Variants in ZNF808 observed in about 807,000 individuals in gnomAD.
ZNF808 encodes the protein zinc finger protein 808.
A neutral mutation model predicts 8.7 loss-of-function variants in ZNF808; 5 were observed. That is an observed-to-expected ratio of 0.58 (90% CI 0.30 to 1.21). ZNF808 has a LOEUF of 1.21. Among genes scored for constraint, ZNF808 ranks in the 50% most tolerant of loss-of-function variants. The pLI, the probability that ZNF808 is intolerant of heterozygous loss-of-function variation, is 0.07. For synonymous variants in ZNF808, 380 were observed against 366.0 expected, an observed-to-expected ratio of 1.04 and a Z score of -0.44; for missense variants, 1,103 against 1,098.4, an observed-to-expected ratio of 1.00 and a Z score of -0.06.
At position 52,556,301 on chromosome 19, in the gene ZNF808, G is replaced by T; in HGVS notation, c.*673G>T. 1 of 165,110 alleles carries T rather than the reference G, an allele frequency of 6.1e-6. No individual in the cohort carries two copies. The highest frequency in any genetic ancestry group is 1.3e-5 in the Non-Finnish European group (1 of 76,338). The allele number at this position is 165,110 out of a possible 1,614,324, so 10.2% of individuals were successfully genotyped here. The stretch of plus-strand genomic sequence containing the variant: ...AGATGTCGGCCACTTTCGCCATCCT[G>T]TTTTTTGTTTCTTATTTTCTTATTT... On this transcript the variant is annotated 3_prime_UTR_variant, in exon 5 of 5. Transcript: ENST00000359798.
intron 1 of ZNF808, among the ~76,000 whole-genome samples, chr19:52,528,368 T>C (rs1447363319): frequency 6.6e-6 from 1 of 152,070 alleles, no homozygotes; most frequent in East Asian, 1.9e-4. Context: ...CCTGCGATTG[T>C]GTGGGCCGAA....
chr19:52,536,997 A>T (rs538267049), intron 2 of ZNF808, among the ~76,000 whole-genome samples: 2 of 131,676 alleles, frequency 1.5e-5, no homozygotes, highest in Admixed American at 1.6e-4. Context: ...GACCAGCCTG[A>T]CCAACATGGA....
At chr19:52,532,191 T>C (rs1023425799) in intron 1 of ZNF808, among the ~76,000 whole-genome samples, 5 of 152,166 alleles carry the variant, frequency 3.3e-5, no homozygotes, top group African/African-American at 1.2e-4. Flanking sequence ...TGGATTTAGG[T>C]AATTTTATGA....
Position 52,555,567 on chromosome 19 carries a change from T to A in ZNF808, c.2651T>A (p.Phe884Tyr). 1 of 1,613,532 alleles carries A rather than the reference T, an allele frequency of 6.2e-7. No homozygotes were observed. Among genetic ancestry groups the A allele is most frequent in the Non-Finnish European group, 8.5e-7 (1 of 1,179,768 alleles). Residue 884 changes from phenylalanine (F) to tyrosine (Y), a missense_variant, in exon 5 of 5, where the codon TTT becomes TAT. Coordinates refer to ENST00000359798, the MANE Select transcript of ZNF808 (RefSeq NM_001039886.4). ...AAGTGTAATGAGTGTGGCAAAGCCTTTAGTGACCGGTCAACACTTATTCAC... is the reference window on the plus strand; with the variant it reads ...AAGTGTAATGAGTGTGGCAAAGCCTATAGTGACCGGTCAACACTTATTCAC... ...PYKCNECGKAFSDRSTLIHHQ... is the reference protein window; with the variant it reads ...PYKCNECGKAYSDRSTLIHHQ...
chr19:52,529,091 G>A (rs539905513), intron 1 of ZNF808, among the ~76,000 whole-genome samples: 86 of 152,010 alleles, frequency 5.7e-4, no homozygotes, highest in African/African-American at 2.0e-3. Context: ...ATGAAGAAAG[G>A]GGGGCTAGGC....
In ZNF808 at chr19:52,553,962, G is replaced by C. The variant is rs772659533; in HGVS notation, c.1046G>C (p.Gly349Ala). The change falls in exon 5 of 5, where the codon GGC becomes GCC. Residue 349 changes from glycine to alanine, a missense_variant. By Grantham distance (60) the Gly-to-Ala change is moderately conservative (BLOSUM62 0). Transcript: ENST00000359798. ...GEKPYKCNEC[G>A]KAFNQQSHLS... is the part of the protein sequence containing the mutation. ...AAACCTTACAAGTGTAATGAATGTG[G>C]CAAGGCTTTTAATCAACAATCACAC... The C allele has an allele frequency of 1.2e-6, 2 of 1,613,608 alleles. No homozygotes were observed. The highest frequency in any genetic ancestry group is 2.7e-5 in the African/African-American group (2 of 74,764).
At chr19:52,545,363 A>G (rs1453339098) in intron 3 of ZNF808, among the ~76,000 whole-genome samples, 1 of 152,330 alleles carries the variant, frequency 6.6e-6, no homozygotes, top group African/African-American at 2.4e-5. Context: ...GCATGAATAC[A>G]TGGGTGGATA....
At chr19:52,553,070 A>G in intron 4 of ZNF808, 37 bp from the exon 5 acceptor site, 2 of 1,513,104 alleles carry the variant, frequency 1.3e-6, no homozygotes, top group Non-Finnish European at 1.8e-6. Flanking sequence ...TACCATCTGT[A>G]CTTAATTGGA....
downstream of ZNF808, among the ~76,000 whole-genome samples, chr19:52,561,198 CTCTCT>C (rs2059856273): frequency 1.9e-5 from 1 of 52,966 alleles, no homozygotes; most frequent in Non-Finnish European, 4.1e-5. Flanking sequence ...CTCTCTCTCT[CTCTCT>C]CTCTCTCTCT....
chr19:52,534,516 G>A (rs1035088005), intron 2 of ZNF808, among the ~76,000 whole-genome samples: 5 of 151,626 alleles, frequency 3.3e-5, no homozygotes, highest in Non-Finnish European at 5.9e-5. Context: ...CTCTATTATC[G>A]TCGTGGAGAT....
downstream of ZNF808, among the ~76,000 whole-genome samples, chr19:52,568,039 C>T (rs1480673190): frequency 6.6e-6 from 1 of 152,202 alleles, no homozygotes; most frequent in Non-Finnish European, 1.5e-5. Context: ...GGAACGTGGT[C>T]ATGCAACCTG....
rs1318379460 is a variant in ZNF808, at chr19:52,553,996, C to G, written c.1080C>G (p.Arg360=). 3 of 1,613,886 alleles carry G rather than the reference C, an allele frequency of 1.9e-6. No individual in the cohort carries two copies. Among genetic ancestry groups the G allele is most frequent in the Non-Finnish European group, 2.5e-6 (3 of 1,179,962 alleles). ...KAFNQQSHLS[R]HQRLHTGVKP... is the part of the protein sequence containing the mutation. ...TTAATCAACAATCACACCTTTCACG[C>G]CATCAAAGACTTCATACTGGAGTGA... The change falls in exon 5 of 5, where the codon CGC becomes CGG. Residue 360 remains arginine (R), a synonymous_variant. Transcript: ENST00000359798.
intron 3 of ZNF808, among the ~76,000 whole-genome samples, chr19:52,545,378 C>T (rs1391963798): frequency 1.3e-5 from 2 of 152,106 alleles, no homozygotes; most frequent in East Asian, 3.9e-4. Flanking sequence ...TGGATAAGCC[C>T]ATGGTTTATG....
chr19:52,535,431 C>A (rs1189596020), intron 2 of ZNF808, among the ~76,000 whole-genome samples: 4 of 152,042 alleles, frequency 2.6e-5, no homozygotes, highest in African/African-American at 7.2e-5. Flanking sequence ...GTCACCCAGG[C>A]TGGCCTGGAC....
At chr19:52,543,660 C>G (rs899743284) in intron 3 of ZNF808, among the ~76,000 whole-genome samples, 4 of 152,148 alleles carry the variant, frequency 2.6e-5, no homozygotes, top group African/African-American at 9.7e-5. Flanking sequence ...GCTGGGCAGC[C>G]TGGATTGTTC....
At chr19:52,551,767 T>C (rs954403726) in intron 4 of ZNF808, among the ~76,000 whole-genome samples, 7 of 151,456 alleles carry the variant, frequency 4.6e-5, no homozygotes, top group African/African-American at 1.2e-4. Flanking sequence ...ATTTGGGAGG[T>C]CAAGGGGGGT....
At chr19:52,551,237 A>G (rs982033129) in intron 4 of ZNF808, among the ~76,000 whole-genome samples, 1 of 152,048 alleles carries the variant, frequency 6.6e-6, no homozygotes, top group African/African-American at 2.4e-5. Context: ...CTGTTATCCC[A>G]GCTTCTTGTG....
chr19:52,550,313 C>T (rs2059764457), intron 4 of ZNF808, among the ~76,000 whole-genome samples: 1 of 152,012 alleles, frequency 6.6e-6, no homozygotes, highest in Non-Finnish European at 1.5e-5. Flanking sequence ...TCACCACAAC[C>T]TCCACCTCCT....
Position 52,554,104 on chromosome 19 carries a change from G to C in ZNF808, c.1188G>C (p.Glu396Asp), listed in dbSNP as rs767251570. The C allele has an allele frequency of 6.2e-7, 1 of 1,613,972 alleles. No homozygotes were observed. The highest frequency in any genetic ancestry group is 8.5e-7 in the Non-Finnish European group (1 of 1,179,978). ...LANHTRIHSG[E>D]KTYKCNECGK... ...ACCATACTAGAATTCATAGTGGAGA[G>C]AAAACATACAAGTGTAATGAGTGTG... is the stretch of plus-strand genomic sequence containing the variant. Residue 396 changes from glutamate to aspartate, a missense_variant, in exon 5 of 5, where the codon GAG becomes GAC. Coordinates refer to ENST00000359798, the MANE Select transcript of ZNF808 (RefSeq NM_001039886.4).
Sources: allele counts gnomAD v4.1 joint callset (sites outside exome capture counted in the v4.1 genomes callset), GRCh38; gene constraint gnomAD v4.1.1; transcripts MANE v1.5; gene names NCBI Gene and HGNC (gene_info 2026-07-23, HGNC 2026-07-21).